Variants in FAM81A observed in about 807,000 individuals in gnomAD.
FAM81A encodes the protein family with sequence similarity 81 member A.
In FAM81A, 19 loss-of-function variants were observed where a neutral mutation model predicts 46.7. That is an observed-to-expected ratio of 0.41 (90% confidence interval 0.28 to 0.60). The LOEUF (loss-of-function observed/expected upper bound fraction) is 0.60. Among genes scored for constraint, FAM81A ranks in the 20% least tolerant of loss-of-function variants. FAM81A has a pLI of 0.34. For missense variants in FAM81A, 377 were observed against 453.5 expected (o/e 0.83, Z 1.53); for synonymous variants, 183 against 152.9 (o/e 1.20, Z -1.45).
intron 2 of FAM81A, among the ~76,000 whole-genome samples, chr15:59,412,228 C>T (rs2141540091): frequency 6.6e-6 from 1 of 152,060 alleles, no homozygotes; most frequent in Non-Finnish European, 1.5e-5. Context: ...TAAGATGGGG[C>T]AGTAAGGTTG....
chr15:59,417,490 G>A lies in FAM81A; in HGVS notation c.-78+15132G>A, dbSNP rs146969728. Among the ~76,000 whole-genome samples the A allele has an allele frequency of 9.5e-4, 144 of 151,966 alleles. 1 individual carries two copies. The highest frequency in any genetic ancestry group is 3.4e-3 in the African/African-American group (143 of 41,452). Reference sequence around the variant, plus strand: ...GGAGGCCGTGGTGGACAGGTCACTTGAGGTCAGGAGTTCGAGACCAGCCTG... The same window carrying A: ...GGAGGCCGTGGTGGACAGGTCACTTAAGGTCAGGAGTTCGAGACCAGCCTG... On this transcript the variant is annotated intron_variant, in intron 2 of 4. Transcript: ENST00000558348.
At chr15:59,490,001 T>C (rs767650363) in intron 3 of FAM81A, among the ~76,000 whole-genome samples, 4 of 151,962 alleles carry the variant, frequency 2.6e-5, no homozygotes, top group Non-Finnish European at 5.9e-5. Context: ...TTAAACCCAG[T>C]ATACAATAGT....
chr15:59,411,041 C>T (rs35927616), intron 2 of FAM81A, among the ~76,000 whole-genome samples: 41,952 of 152,144 alleles, frequency 0.28, 6,015 homozygotes, highest in East Asian at 0.47. Flanking sequence ...TGAGCCACCG[C>T]GCCAGGCCCA....
chr15:59,504,641 A>C (rs1260245505), intron 4 of FAM81A, among the ~76,000 whole-genome samples: 4 of 152,132 alleles, frequency 2.6e-5, no homozygotes, highest in Non-Finnish European at 4.4e-5. Flanking sequence ...ACTGAAGTAC[A>C]TTCATTAGTA....
chr15:59,430,495 A>C (rs2081215335), intron 2 of FAM81A, among the ~76,000 whole-genome samples: 1 of 151,922 alleles, frequency 6.6e-6, no homozygotes, highest in African/African-American at 2.4e-5. Flanking sequence ...TGAGCTCCTG[A>C]CCTCAGGTGA....
In FAM81A at chr15:59,518,929, TTG is replaced by T. The variant is rs150647352; in HGVS notation, c.982+2101_982+2102del. ...AACATATGTATCATCTCACAGGTAT[TTG>T]TGTGTGTGTGTCTGTGTGTGTGTGT... is the stretch of plus-strand genomic sequence containing the variant. On this transcript the variant is annotated intron_variant, in intron 8 of 8. Coordinates refer to ENST00000288228, the MANE Select transcript of FAM81A (RefSeq NM_152450.3). Among the ~76,000 whole-genome samples, 1,201 of 136,094 alleles carry T rather than the reference TTG, an allele frequency of 8.8e-3. 19 individuals carry two copies. The highest frequency in any genetic ancestry group is 0.031 in the African/African-American group (1,167 of 37,846). 89.3% of individuals were successfully genotyped at this position (136,094 alleles called of 152,430 possible). A position where few individuals can be genotyped will look rare whatever the true frequency, so the allele number is the denominator to read the frequency against.
intron 2 of FAM81A, among the ~76,000 whole-genome samples, chr15:59,431,454 C>T (rs1273691652): frequency 6.6e-6 from 1 of 151,706 alleles, no homozygotes; most frequent in Non-Finnish European, 1.5e-5. Flanking sequence ...AGGCTGGTCT[C>T]GAACTCCTGA....
At chr15:59,463,926 G>C (rs1464828047) in intron 3 of FAM81A, among the ~76,000 whole-genome samples, 1 of 151,910 alleles carries the variant, frequency 6.6e-6, no homozygotes, top group Non-Finnish European at 1.5e-5. Context: ...ACCAGATCAA[G>C]GTAATTTTGT....
chr15:59,454,508 A>G (rs1465031568), intron 1 of FAM81A, among the ~76,000 whole-genome samples: 5 of 152,150 alleles, frequency 3.3e-5, no homozygotes, highest in African/African-American at 1.2e-4. Context: ...TTCTCCCTTC[A>G]CAGAATCCTC....
chr15:59,512,786 A>T (rs2082226521), intron 6 of FAM81A, among the ~76,000 whole-genome samples: 1 of 152,198 alleles, frequency 6.6e-6, no homozygotes, highest in African/African-American at 2.4e-5. Context: ...CCAAGGCTCC[A>T]GTCCTCGTCC....
At chr15:59,421,576 C>T (rs1378419227) in intron 2 of FAM81A, among the ~76,000 whole-genome samples, 2 of 152,158 alleles carry the variant, frequency 1.3e-5, no homozygotes, top group African/African-American at 4.8e-5. Flanking sequence ...TAATTGTGCC[C>T]TACTTTGCCG....
chr15:59,499,497 G>A (rs1054131885), intron 4 of FAM81A, among the ~76,000 whole-genome samples: 9 of 151,944 alleles, frequency 5.9e-5, no homozygotes, highest in African/African-American at 1.9e-4. Context: ...CTTTACCCAC[G>A]CTCTGTGTTT....
intron 1 of FAM81A, among the ~76,000 whole-genome samples, chr15:59,457,981 T>C (rs1345530983): frequency 3.3e-5 from 5 of 152,236 alleles, no homozygotes; most frequent in African/African-American, 1.2e-4. Context: ...TTGTATCTTA[T>C]TATAAAGTTT....
chr15:59,475,120 T>A (rs1301171028), intron 3 of FAM81A, among the ~76,000 whole-genome samples: 2 of 152,218 alleles, frequency 1.3e-5, no homozygotes, highest in African/African-American at 4.8e-5. Context: ...ATCAATTGTT[T>A]AGGCTTTTGA....
At chr15:59,517,807 T>A (rs1436104006) in intron 8 of FAM81A, among the ~76,000 whole-genome samples, 1 of 152,228 alleles carries the variant, frequency 6.6e-6, no homozygotes. Context: ...GGTATTTGAA[T>A]ATTTCATCAA....
intron 2 of FAM81A, among the ~76,000 whole-genome samples, chr15:59,427,346 A>G (rs1259109912): frequency 2.0e-5 from 3 of 148,640 alleles, no homozygotes; most frequent in African/African-American, 7.4e-5. Flanking sequence ...CCTGACCTCA[A>G]GTGATTTGCT....
intron 4 of FAM81A, among the ~76,000 whole-genome samples, chr15:59,496,037 A>G (rs988097796): frequency 6.6e-6 from 1 of 152,202 alleles, no homozygotes; most frequent in Admixed American, 6.5e-5. Flanking sequence ...TCTAACATCT[A>G]TCTTTTCTTC....
chr15:59,520,315 T>G (rs547286086), intron 8 of FAM81A, among the ~76,000 whole-genome samples: 95 of 152,302 alleles, frequency 6.2e-4, no homozygotes, highest in African/African-American at 2.3e-3. Flanking sequence ...TCGTTTGTCT[T>G]TTTGATAATA....
At chr15:59,431,015 A>G (rs1369511054) in intron 2 of FAM81A, among the ~76,000 whole-genome samples, 12 of 152,176 alleles carry the variant, frequency 7.9e-5, no homozygotes, top group Admixed American at 7.9e-4. Context: ...TAATATAAAT[A>G]ATAACTAAGA....
Sources: allele counts gnomAD v4.1 joint callset (sites outside exome capture counted in the v4.1 genomes callset), GRCh38; gene constraint gnomAD v4.1.1; transcripts MANE v1.5; gene names NCBI Gene and HGNC (gene_info 2026-07-23, HGNC 2026-07-21).